The following SMPD3 variants were observed in gnomAD, a reference collection of about 807,000 sequenced individuals.
SMPD3 encodes nSMase-2.
Under a neutral mutation model 55.7 loss-of-function variants are expected in SMPD3, and 21 were observed. The ratio of observed to expected loss-of-function variants is 0.38; its 90% CI spans 0.27 to 0.54. The LOEUF is 0.54. Ranked by LOEUF, SMPD3 falls within the 20% of genes least tolerant of loss-of-function variation. The pLI, the probability that SMPD3 is intolerant of heterozygous loss-of-function variation, is 0.80. For missense variants in SMPD3, 842 were observed against 899.6 expected, an observed-to-expected ratio of 0.94 and a Z score of 0.82; for synonymous variants, 457 against 404.3, an observed-to-expected ratio of 1.13 and a Z score of -1.56.
rs771316358 is a variant in SMPD3 at position 68,372,008 on chromosome 16, G to A, written c.174C>T (p.Leu58=). The A allele has an allele frequency of 8.7e-6, 14 of 1,612,134 alleles. No homozygotes were observed. Among genetic ancestry groups the A allele is most frequent in the Middle Eastern group, 1.7e-4 (1 of 6,060 alleles). Residue 58 remains leucine (L), a synonymous_variant, in exon 3 of 9, where the codon CTC becomes CTT. Coordinates refer to ENST00000219334, the MANE Select transcript of SMPD3 (RefSeq NM_018667.4). The part of the protein sequence containing the change: ...RADDPCCLQL[L]CTALFTPIYL... ...AGATGGGCGTGAAGAGGGCAGTGCA[G>A]AGCAGCTGCAGGCAGCACGGGTCGT...
intron 2 of SMPD3, among the ~76,000 whole-genome samples, chr16:68,377,242 T>A (rs902259138): frequency 4.6e-5 from 7 of 152,204 alleles, no homozygotes; most frequent in Non-Finnish European, 1.0e-4. Flanking sequence ...GCTCCATGGT[T>A]TGCAGGTTGA....
chr16:68,433,593 T>C (rs2090497385), intron 1 of SMPD3, among the ~76,000 whole-genome samples: 1 of 152,176 alleles, frequency 6.6e-6, no homozygotes, highest in African/African-American at 2.4e-5. Context: ...ACGTTGGAGC[T>C]GCCAGTGGAG....
At position 68,447,657 on chromosome 16, in the gene SMPD3, G is replaced by A. The variant is rs1388940077; in HGVS notation, c.-269+696C>T. Among the ~76,000 whole-genome samples, 1 of 152,170 alleles carries A rather than the reference G, an allele frequency of 6.6e-6. No individual in the cohort carries two copies. Among genetic ancestry groups the A allele is most frequent in the African/African-American group, 2.4e-5 (1 of 41,444 alleles). ...CGCGACTCCGAGAAGGATGGGGAGGGGTCTCCCAGCGTTTCCCTGCCACAT... is the reference window on the plus strand; with the variant it reads ...CGCGACTCCGAGAAGGATGGGGAGGAGTCTCCCAGCGTTTCCCTGCCACAT... On this transcript the variant is annotated intron_variant, in intron 1 of 8. Coordinates refer to ENST00000219334, the MANE Select transcript of SMPD3 (RefSeq NM_018667.4). This position sits in a 1 kb window ranked among gnomAD's most constrained non-coding sequence, Gnocchi z 5.1.
At chr16:68,401,261 C>T (rs751364375) in intron 1 of SMPD3, among the ~76,000 whole-genome samples, 6 of 152,178 alleles carry the variant, frequency 3.9e-5, no homozygotes, top group Non-Finnish European at 7.4e-5. Flanking sequence ...GAGGGGCATG[C>T]CATATCCTGT....
At chr16:68,365,314 G>A (rs941723328) in intron 3 of SMPD3, among the ~76,000 whole-genome samples, 5 of 152,182 alleles carry the variant, frequency 3.3e-5, no homozygotes, top group African/African-American at 1.2e-4. Flanking sequence ...TGTGGCGTGG[G>A]GAGTGCTGGC....
At chr16:68,370,692 G>A (rs1351469089) in intron 3 of SMPD3, among the ~76,000 whole-genome samples, 167 bp downstream of exon 3, 5 of 152,086 alleles carry the variant, frequency 3.3e-5, no homozygotes, top group Non-Finnish European at 5.9e-5. Flanking sequence ...CCCTGTCCCC[G>A]AGCCAGGGCC....
chr16:68,361,903 G>A (rs1412754342), intron 7 of SMPD3, 144 bp from the exon 8 acceptor site: 17 of 1,287,750 alleles, frequency 1.3e-5, no homozygotes, highest in Non-Finnish European at 1.5e-5. Context: ...TCTCCCCTGC[G>A]GGTCCAAAAA....
chr16:68,382,025 CT>C (rs2089961451), intron 2 of SMPD3: 1 of 152,208 alleles, frequency 6.6e-6, no homozygotes, highest in South Asian at 2.1e-4. Context: ...TCAGTGTGGC[CT>C]AAAAAAGTCC....
chr16:68,407,573 G>A (rs1449833365), intron 1 of SMPD3, among the ~76,000 whole-genome samples: 1 of 152,104 alleles, frequency 6.6e-6, no homozygotes, highest in Non-Finnish European at 1.5e-5. Context: ...AGCCTCAAAG[G>A]ATCCTCCCGT....
At chr16:68,381,427 C>T (rs182944537) in intron 2 of SMPD3, among the ~76,000 whole-genome samples, 3 of 152,214 alleles carry the variant, frequency 2.0e-5, no homozygotes, top group South Asian at 2.1e-4. Context: ...TGCTTCCAAG[C>T]CCGAGACAGG....
chr16:68,395,099 A>G (rs571799780), intron 1 of SMPD3, among the ~76,000 whole-genome samples: 6 of 152,152 alleles, frequency 3.9e-5, no homozygotes, highest in Non-Finnish European at 8.8e-5. Context: ...TGGAAAAAAA[A>G]AAAAAAGAGG....
At chr16:68,441,094 G>A (rs1264336436) in intron 1 of SMPD3, among the ~76,000 whole-genome samples, 1 of 152,078 alleles carries the variant, frequency 6.6e-6, no homozygotes, top group Non-Finnish European at 1.5e-5. Flanking sequence ...CCTTCCTGTT[G>A]CCCTTATCTT....
intron 1 of SMPD3, among the ~76,000 whole-genome samples, chr16:68,392,068 T>A (rs2090115997): frequency 6.6e-6 from 1 of 151,974 alleles, no homozygotes; most frequent in East Asian, 1.9e-4. Flanking sequence ...ATTGTTGTAT[T>A]TTTAGTAGAG....
intron 8 of SMPD3, 60 bp downstream of exon 8, chr16:68,361,543 C>T: frequency 6.3e-7 from 1 of 1,585,082 alleles, no homozygotes. Flanking sequence ...TCGAGAGCTG[C>T]AGGGCCCGGG....
intron 1 of SMPD3, among the ~76,000 whole-genome samples, chr16:68,442,927 C>T (rs1450721374): frequency 6.6e-6 from 1 of 152,288 alleles, no homozygotes; most frequent in East Asian, 1.9e-4. Context: ...TCTGCGAAGC[C>T]CCAGCTTGGA....
chr16:68,425,139 G>A (rs1232220137), intron 1 of SMPD3, among the ~76,000 whole-genome samples: 2 of 152,216 alleles, frequency 1.3e-5, no homozygotes, highest in East Asian at 3.8e-4. Context: ...TGGGTTGGTA[G>A]TCATGGCACT....
chr16:68,420,864 A>T (rs754314214), intron 1 of SMPD3, among the ~76,000 whole-genome samples: 16 of 152,166 alleles, frequency 1.1e-4, no homozygotes, highest in Non-Finnish European at 1.9e-4. Flanking sequence ...CCCTGAACCC[A>T]CTTCAACATG....
chr16:68,365,191 C>CA, intron 3 of SMPD3, 99 bp from the exon 4 acceptor site: 1 of 1,237,450 alleles, frequency 8.1e-7, no homozygotes, highest in Non-Finnish European at 1.2e-6. Context: ...GTCAGACCCT[C>CA]ACAAGCCTGG....
At chr16:68,376,727 C>G (rs1406397325) in intron 2 of SMPD3, among the ~76,000 whole-genome samples, 1 of 152,198 alleles carries the variant, frequency 6.6e-6, no homozygotes, top group African/African-American at 2.4e-5. Context: ...GCCCTGGGGT[C>G]AGTGTGGGAG....
Sources: gnomAD v4.1 joint callset for allele counts (sites outside exome capture counted in the v4.1 genomes callset) on GRCh38, gnomAD v4.1.1 for gene constraint, Gnocchi (gnomAD v3.1) non-coding constraint, MANE v1.5 for transcripts, NCBI Gene and HGNC (gene_info 2026-07-23, HGNC 2026-07-21) for gene names.